The following SGCE variants were observed in gnomAD, a reference collection of about 807,000 sequenced individuals.
SGCE encodes the protein sarcoglycan epsilon.
A neutral mutation model predicts 57.8 loss-of-function variants in SGCE; 26 were observed. The observed-to-expected ratio is 0.45, with a 90% confidence interval of 0.33 to 0.62. SGCE has a LOEUF of 0.62. Among genes scored for constraint, SGCE ranks in the 20% least tolerant of loss-of-function variants. The pLI, the probability that SGCE is intolerant of heterozygous loss-of-function variation, is 0.02. For missense variants in SGCE, 468 were observed against 548.6 expected (o/e 0.85, Z 1.47); for synonymous variants, 183 against 189.5 (o/e 0.97, Z 0.28).
At chr7:94,590,936 C>G (rs992952129) in intron 9 of SGCE, 4 of 151,904 alleles carry the variant, frequency 2.6e-5, no homozygotes, top group African/African-American at 9.7e-5. Flanking sequence ...ATAGGTAACA[C>G]CTTTGAGAGT....
At chr7:94,604,527 C>T (rs1329098191) in intron 5 of SGCE, among the ~76,000 whole-genome samples, 1 of 151,236 alleles carries the variant, frequency 6.6e-6, no homozygotes, top group Non-Finnish European at 1.5e-5. Context: ...CTGGTACGGG[C>T]ATAGGAACAG....
chr7:94,597,882 G>A lies in SGCE; in HGVS notation c.1253+893C>T, dbSNP rs565710929. ...ATTAGCTGGGCATGGGGGCAGGTGC[G>A]TATAATCCGAGCTACTTGGGAGGCT... On this transcript the variant is annotated intron_variant, in intron 9 of 10. Transcript: ENST00000648936. 70 of 153,738 alleles carry A rather than the reference G, an allele frequency of 4.6e-4. No individual in the cohort carries two copies. The Middle Eastern group carries it at 9.8e-3, about 22-fold the overall frequency. The allele number at this position is 153,738 out of a possible 1,614,324, so 9.5% of individuals were successfully genotyped here.
At chr7:94,596,208 T>C (rs1375072437) in intron 9 of SGCE, among the ~76,000 whole-genome samples, 5 of 152,138 alleles carry the variant, frequency 3.3e-5, no homozygotes, top group Non-Finnish European at 1.5e-5. Flanking sequence ...ATCCATTTGG[T>C]GTAAACTAGA....
At chr7:94,628,735 T>C (rs1028212332) in intron 2 of SGCE, 2 of 211,436 alleles carry the variant, frequency 9.5e-6, no homozygotes, top group African/African-American at 4.7e-5. Context: ...CTGGACACTA[T>C]CATATGAGTA....
chr7:94,603,264 C>CTT (rs1301300935), intron 6 of SGCE, 26 bp downstream of exon 6: 1 of 1,591,902 alleles, frequency 6.3e-7, no homozygotes, highest in East Asian at 2.2e-5. Context: ...TTTAACTAAA[C>CTT]TTGCAAAAAC....
intron 1 of SGCE, among the ~76,000 whole-genome samples, chr7:94,635,813 A>C (rs1805531248): frequency 6.6e-6 from 1 of 152,204 alleles, no homozygotes; most frequent in Non-Finnish European, 1.5e-5. Flanking sequence ...TTATCAATAC[A>C]ACTTTATGAA....
At chr7:94,586,890 G>A in intron 10 of SGCE, 11 of 984,802 alleles carry the variant, frequency 1.1e-5, no homozygotes, top group Non-Finnish European at 1.3e-5. Context: ...CTCTCCCTTT[G>A]GCACTTAAGA....
chr7:94,632,401 T>C (rs1804855738), intron 1 of SGCE, among the ~76,000 whole-genome samples: 1 of 152,044 alleles, frequency 6.6e-6, no homozygotes, highest in South Asian at 2.1e-4. Context: ...CAATCTACCA[T>C]GGCCCTCCTG....
intron 5 of SGCE, chr7:94,617,446 C>A (rs1172306718): frequency 3.3e-5 from 5 of 152,206 alleles, no homozygotes; most frequent in East Asian, 1.9e-4. Flanking sequence ...TTGTGGAACA[C>A]ATTACCTTAA....
chr7:94,589,262 G>A (rs1350923178), intron 9 of SGCE: 1 of 162,186 alleles, frequency 6.2e-6, no homozygotes, highest in East Asian at 1.7e-4. Flanking sequence ...AGTCATCCTT[G>A]TTCCTTCCCT....
chr7:94,629,644 T>G lies in SGCE; in HGVS notation c.232+75A>C, dbSNP rs1409171965. 5 of 1,264,258 alleles carry G rather than the reference T, an allele frequency of 4.0e-6. No homozygotes were observed. In the Admixed American group the frequency reaches 8.5e-5, roughly 21 times the overall value. 78.3% of individuals were successfully genotyped at this position (1,264,258 alleles called of 1,614,324 possible). ...AAATAATGTTAATGATATTTTATCA[T>G]ATATGTCTATATTATGCAAATTAAA... On this transcript the variant is annotated intron_variant, in intron 2 of 10. Transcript: ENST00000648936.
intron 3 of SGCE, chr7:94,624,171 A>C (rs552799631): frequency 7.1e-4 from 282 of 397,942 alleles, no homozygotes; most frequent in Non-Finnish European, 2.3e-4. Flanking sequence ...TCAAAAAAAA[A>C]AAAAAAAACA....
intron 1 of SGCE, among the ~76,000 whole-genome samples, chr7:94,655,641 A>AC (rs1351495294): frequency 6.6e-6 from 1 of 150,932 alleles, no homozygotes; most frequent in Non-Finnish European, 1.5e-5. Context: ...ACAGGCAACG[A>AC]CCCCCAGCTC....
In SGCE at chr7:94,600,793, T is replaced by C; in HGVS notation, c.890A>G (p.Asp297Gly). Reference sequence around the variant, plus strand: ...AGAAGGGGGTTTGTATTCTCCACCATCAGGTAAAATCCCCTCTCCACGAAT... The same window carrying C: ...AGAAGGGGGTTTGTATTCTCCACCACCAGGTAAAATCCCCTCTCCACGAAT... ...EVIRGEGILP[D>G]GGEYKPPSDS... The change falls in exon 7 of 11, where the codon GAT (aspartate) becomes GGT (glycine). Residue 297 changes from aspartate (D) to glycine (G), a missense_variant. Physicochemically the swap from Asp to Gly is moderately conservative, Grantham distance 94. Transcript: ENST00000648936. 3 of 1,613,422 alleles carry C rather than the reference T, an allele frequency of 1.9e-6. No individual in the cohort carries two copies. Among genetic ancestry groups the C allele is most frequent in the Non-Finnish European group, 2.5e-6 (3 of 1,179,790 alleles).
chr7:94,631,413 G>A (rs1804706611), intron 1 of SGCE, among the ~76,000 whole-genome samples: 1 of 151,852 alleles, frequency 6.6e-6, no homozygotes, highest in South Asian at 2.1e-4. Flanking sequence ...CATCTGGTAT[G>A]GGAGACCAAC....
rs764696852 is a variant in SGCE, at chr7:94,600,658, C to T, written c.1025G>A (p.Arg342Gln). Residue 342 changes from arginine to glutamine, a missense_variant, in exon 7 of 11, where the codon CGA (arginine) becomes CAA (glutamine). By Grantham distance (43) the Arg-to-Gln change is conservative. Transcript: ENST00000648936. ...TTAAAGTACTCACACGCCTTCCCGT[C>T]GGCAGCACATGATATAAGCAAGTAT... ...FLILAYIMCC[R>Q]REGVEKRNMQ... 8.1e-6 allele frequency: 13 copies of T among 1,612,596 alleles called. No individual in the cohort carries two copies. In the East Asian group the frequency reaches 2.0e-4, roughly 25 times the overall value.
intron 10 of SGCE, chr7:94,587,664 C>A: frequency 6.6e-7 from 1 of 1,506,050 alleles, no homozygotes; most frequent in Non-Finnish European, 8.8e-7. Flanking sequence ...ATATATTGAA[C>A]AGTCTTGTTG....
intron 2 of SGCE, 26 bp from the exon 3 acceptor site, chr7:94,628,385 CAT>C (rs769067830): frequency 6.4e-7 from 1 of 1,564,332 alleles, no homozygotes; most frequent in Non-Finnish European, 8.8e-7. Flanking sequence ...AGAATTAAGA[CAT>C]AAGACAGTTA....
At chr7:94,588,335 T>C in intron 10 of SGCE, 2 of 1,086,682 alleles carry the variant, frequency 1.8e-6, no homozygotes, top group Non-Finnish European at 1.1e-6. Flanking sequence ...AACTTCAAGC[T>C]GCTCACTTAC....
Sources: allele counts gnomAD v4.1 joint callset (sites outside exome capture counted in the v4.1 genomes callset), GRCh38; gene constraint gnomAD v4.1.1; transcripts MANE v1.5; gene names NCBI Gene and HGNC (gene_info 2026-07-23, HGNC 2026-07-21).